The following RFX7 variants were observed in gnomAD, a reference collection of about 807,000 sequenced individuals.
The protein encoded by RFX7 is regulatory factor X7, also known as DNA-binding protein RFX7.
RFX7 carries 26 observed loss-of-function variants against 111.8 expected under a neutral mutation model. The observed-to-expected ratio is 0.23, with a 90% CI of 0.17 to 0.32. The LOEUF is 0.32. RFX7 is among the 10% of genes least tolerant of loss of function. The probability of loss-of-function intolerance (pLI) is 1.00; values close to 1 mark genes in which losing one functional copy is unlikely to be tolerated. For synonymous variants in RFX7, 624 were observed against 624.4 expected, an observed-to-expected ratio of 1.00 and a Z score of 0.01; for missense variants, 1,573 against 1,772.9, an observed-to-expected ratio of 0.89 and a Z score of 2.02.
rs780411592 is a variant in RFX7, at chr15:56,095,550, T to A, written c.2178A>T (p.Ile726=). ...SKVSVNVSSH[I]GANQPLNSSA... ...AGGAATTCAAGGGTTGATTTGCTCC[T>A]ATGTGTGAACTGACATTTACTGATA... The change falls in exon 10 of 10, where the codon ATA becomes ATT. Residue 726 remains isoleucine, a synonymous_variant. Coordinates refer to ENST00000559447, the MANE Select transcript of RFX7 (RefSeq NM_022841.7). 6.2e-7 allele frequency: 1 copy of A among 1,613,906 alleles called. No homozygotes were observed. Among genetic ancestry groups the A allele is most frequent in the Non-Finnish European group, 8.5e-7 (1 of 1,179,868 alleles).
chr15:56,232,810 C>T (rs1404209709), intron 2 of RFX7, among the ~76,000 whole-genome samples: 2 of 152,266 alleles, frequency 1.3e-5, no homozygotes, highest in Admixed American at 1.3e-4. Context: ...TTTGCTAAAG[C>T]ATAGCAAGAA....
At chr15:56,145,119 C>G (rs2042450736) in intron 3 of RFX7, among the ~76,000 whole-genome samples, 1 of 152,152 alleles carries the variant, frequency 6.6e-6, no homozygotes, top group Non-Finnish European at 1.5e-5. Flanking sequence ...TCTGTTGCTA[C>G]TGTTCTGCAA....
rs758680845 is a variant in RFX7 at position 56,096,572 on chromosome 15, A to G, written c.1156T>C (p.Ser386Pro). The G allele has an allele frequency of 6.3e-7, 1 of 1,597,872 alleles. No homozygotes were observed. The highest frequency in any genetic ancestry group is 1.1e-5 in the South Asian group (1 of 88,178). ...LVTSPSPMSS[S>P]DGKVLPLNVQ... ...TTGAGGGGAAGAACTTTGCCGTCAG[A>G]AGAACTCATTGGACTCGGTGAAGTT... The change falls in exon 10 of 10, where the codon TCT becomes CCT. Residue 386 changes from serine (S) to proline (P), a missense_variant. Physicochemically the swap from Ser to Pro is moderately conservative, Grantham distance 74. Coordinates refer to ENST00000559447, the MANE Select transcript of RFX7 (RefSeq NM_022841.7).
At chr15:56,131,466 C>T (rs2042217269) in intron 5 of RFX7, among the ~76,000 whole-genome samples, 1 of 151,932 alleles carries the variant, frequency 6.6e-6, no homozygotes, top group Admixed American at 6.6e-5. Context: ...GTTTTGTTGC[C>T]CAGTCTGGTC....
rs114893203 is a variant in RFX7, at chr15:56,210,701, C to T, written c.162-31398G>A. On this transcript the variant is annotated intron_variant, in intron 2 of 9. Transcript: ENST00000559447. The stretch of plus-strand genomic sequence containing the variant: ...AATTAAACAATGCACTTCTAAATAA[C>T]GCGTAAGTCAAAGAAGAAATTTTGA... Among the ~76,000 whole-genome samples the T allele has an allele frequency of 4.0e-3, 602 of 152,088 alleles. 3 individuals are homozygous for T. Among genetic ancestry groups the T allele is most frequent in the African/African-American group, 0.014 (586 of 41,508 alleles).
intron 5 of RFX7, among the ~76,000 whole-genome samples, chr15:56,141,805 A>T (rs1460798275): frequency 6.6e-6 from 1 of 151,386 alleles, no homozygotes; most frequent in Admixed American, 6.6e-5. Flanking sequence ...GTTGGATCAC[A>T]TGCACTCTCA....
At position 56,215,636 on chromosome 15, in the gene RFX7, G is replaced by T. The variant is rs561836314; in HGVS notation, c.161+27489C>A. Among the ~76,000 whole-genome samples, 20 of 152,232 alleles carry T rather than the reference G, an allele frequency of 1.3e-4. No homozygotes were observed. The South Asian group carries it at 4.2e-3, about 32-fold the overall frequency. On this transcript the variant is annotated intron_variant, in intron 2 of 9. Coordinates refer to ENST00000559447, the MANE Select transcript of RFX7 (RefSeq NM_022841.7). ...TTTCTGTTCCTATGTTTATGAGTGG[G>T]ATAGTAAAATTAAAGGTCATTCTTA...
intron 2 of RFX7, among the ~76,000 whole-genome samples, chr15:56,194,182 C>T (rs1306007536): frequency 2.6e-5 from 4 of 152,098 alleles, no homozygotes; most frequent in African/African-American, 9.7e-5. Flanking sequence ...TTGTCCCTTC[C>T]AACACCAAGT....
intron 2 of RFX7, among the ~76,000 whole-genome samples, chr15:56,188,896 G>A (rs1350646647): frequency 2.0e-5 from 3 of 152,000 alleles, no homozygotes; most frequent in African/African-American, 7.2e-5. Context: ...GCAGTGGTGC[G>A]ATCTCGGCTC....
At chr15:56,182,982 A>G (rs536724203) in intron 2 of RFX7, among the ~76,000 whole-genome samples, 126 of 152,210 alleles carry the variant, frequency 8.3e-4, no homozygotes, top group African/African-American at 3.0e-3. Flanking sequence ...TTTTCTTATT[A>G]CCTTGCATAT....
At chr15:56,232,804 C>A (rs2043579882) in intron 2 of RFX7, among the ~76,000 whole-genome samples, 1 of 152,166 alleles carries the variant, frequency 6.6e-6, no homozygotes, top group Admixed American at 6.5e-5. Flanking sequence ...AGTATCTTTG[C>A]TAAAGCATAG....
intron 3 of RFX7, 71 bp from the exon 4 acceptor site, chr15:56,144,554 A>T: frequency 1.5e-6 from 1 of 680,556 alleles, no homozygotes; most frequent in Admixed American, 2.1e-5. Context: ...AAAATTTACT[A>T]ACATCTCCCT....
chr15:56,185,481 ATGT>A (rs1287057238), intron 2 of RFX7, among the ~76,000 whole-genome samples: 1 of 152,202 alleles, frequency 6.6e-6, no homozygotes, highest in Non-Finnish European at 1.5e-5. Flanking sequence ...TTTCTGACAT[ATGT>A]TAAATATCCA....
chr15:56,210,628 G>T (rs1265844977), intron 2 of RFX7, among the ~76,000 whole-genome samples: 1 of 151,950 alleles, frequency 6.6e-6, no homozygotes, highest in Admixed American at 6.6e-5. Flanking sequence ...GACCACAGAG[G>T]AATTAAATCA....
In RFX7 at chr15:56,096,087, C is replaced by A; in HGVS notation, c.1641G>T (p.Glu547Asp). The A allele has an allele frequency of 6.2e-7, 1 of 1,613,660 alleles. No individual in the cohort carries two copies. The highest frequency in any genetic ancestry group is 8.5e-7 in the Non-Finnish European group (1 of 1,179,782). The stretch of plus-strand genomic sequence containing the variant: ...AGTTCTCTTGGCACTGTACAGGATG[C>A]TCATCTGATGATGTTTCGGGTTCCA... Reference protein sequence around the residue: ...VKVEPETSSDEHPVQCQENSD... With the variant: ...VKVEPETSSDDHPVQCQENSD... Residue 547 changes from glutamate (E) to aspartate (D), a missense_variant, in exon 10 of 10, where the codon GAG becomes GAT. Physicochemically the swap from Glu to Asp is conservative, Grantham distance 45. Around this residue, in one of 7 missense-constraint regions of RFX7, gnomAD observed 625 missense variants for 632.2 expected, o/e 0.99. Transcript: ENST00000559447.
Position 56,109,458 on chromosome 15 carries a change from T to C in RFX7, c.402-5788A>G, listed in dbSNP as rs529842440. ...AAGTGCCGAGATTGCAGCCTCTGCC[T>C]GGCCGCCACCCGGTCTGGGAGGTGA... On this transcript the variant is annotated intron_variant, in intron 5 of 9. Transcript: ENST00000559447. Among the ~76,000 whole-genome samples the C allele has an allele frequency of 7.1e-4, 108 of 152,274 alleles. 4 individuals carry two copies. In the East Asian group the frequency reaches 0.018, roughly 26 times the overall value.
intron 4 of RFX7, 71 bp downstream of exon 4, chr15:56,144,330 A>C: frequency 1.3e-6 from 1 of 741,242 alleles, no homozygotes; most frequent in Non-Finnish European, 2.0e-6. Context: ...ACCAAAACAT[A>C]CAGACCTCAC....
chr15:56,126,923 T>A (rs2042152694), intron 5 of RFX7, among the ~76,000 whole-genome samples: 1 of 152,106 alleles, frequency 6.6e-6, no homozygotes. Flanking sequence ...GAGACTTCAA[T>A]GCTCCAATTC....
chr15:56,140,779 A>G (rs1018309951), intron 5 of RFX7, among the ~76,000 whole-genome samples: 21 of 152,262 alleles, frequency 1.4e-4, no homozygotes, highest in African/African-American at 4.3e-4. Flanking sequence ...AAAAAAAATC[A>G]TAAGAATTTA....
Sources: gnomAD v4.1 joint callset for allele counts (sites outside exome capture counted in the v4.1 genomes callset) on GRCh38, gnomAD v4.1.1 for gene constraint, gnomAD v4.1.1 regional missense constraint, MANE v1.5 for transcripts, NCBI Gene and HGNC (gene_info 2026-07-23, HGNC 2026-07-21) for gene names.